Variants in PXDN observed in about 807,000 individuals in gnomAD.
PXDN encodes peroxidasin, also known as peroxidasin homolog.
A neutral mutation model predicts 140.3 loss-of-function variants in PXDN; 77 were observed. That is an observed-to-expected ratio of 0.55 (90% CI 0.46 to 0.66). The LOEUF is 0.66. Among genes scored for constraint, PXDN ranks in the 30% least tolerant of loss-of-function variants. The pLI, the probability that PXDN is intolerant of heterozygous loss-of-function variation, is 0.00. For missense variants in PXDN, 1,838 were observed against 2,039.5 expected (o/e 0.90, Z 1.90); for synonymous variants, 911 against 857.4 (o/e 1.06, Z -1.09).
chr2:1,704,368 GGGGGGGC>G (rs1684531662), intron 1 of PXDN, among the ~76,000 whole-genome samples: 1 of 58,962 alleles, frequency 1.7e-5, no homozygotes. Flanking sequence ...TCCAGGTGAA[GGGGGGGC>G]AACTCCAGGT....
At chr2:1,681,004 G>T (rs138054353) in intron 6 of PXDN, among the ~76,000 whole-genome samples, 2 of 152,218 alleles carry the variant, frequency 1.3e-5, no homozygotes, top group African/African-American at 4.8e-5. Flanking sequence ...TGTTGTCTCC[G>T]CACACGGGGA....
chr2:1,709,075 G>A (rs1029912855), intron 1 of PXDN, among the ~76,000 whole-genome samples: 4 of 152,194 alleles, frequency 2.6e-5, no homozygotes, highest in Non-Finnish European at 5.9e-5. Context: ...GCCAGGCTCC[G>A]TCTGGTCCCT....
intron 1 of PXDN, among the ~76,000 whole-genome samples, chr2:1,729,470 G>A (rs1480824734): frequency 6.6e-6 from 1 of 152,042 alleles, no homozygotes; most frequent in Non-Finnish European, 1.5e-5. Flanking sequence ...TATGAACAGG[G>A]GCCAGGAAGA....
chr2:1,661,519 A>G (rs1683303124), intron 13 of PXDN, among the ~76,000 whole-genome samples: 1 of 152,156 alleles, frequency 6.6e-6, no homozygotes, highest in South Asian at 2.1e-4. Context: ...GGACACAGAG[A>G]TTCACAGGGC....
At chr2:1,664,102 C>T (rs964150199) in intron 11 of PXDN, 6 of 240,848 alleles carry the variant, frequency 2.5e-5, no homozygotes, top group Non-Finnish European at 4.9e-5. Flanking sequence ...CTGGAGATGA[C>T]GAAGAGCCAA....
chr2:1,720,679 A>ATCTCTTTCTCTCTGCT (rs1174737839), intron 1 of PXDN, among the ~76,000 whole-genome samples: 2 of 80,704 alleles, frequency 2.5e-5, no homozygotes, highest in African/African-American at 1.0e-4. Context: ...TTCTCTCTGC[A>ATCTCTTTCTCTCTGCT]TCTCTTTCTC....
chr2:1,733,458 G>A (rs1055129241), intron 1 of PXDN, among the ~76,000 whole-genome samples: 2 of 152,066 alleles, frequency 1.3e-5, no homozygotes, highest in Admixed American at 6.5e-5. Flanking sequence ...AAGCGGTGTC[G>A]GCTGGGCGCA....
At chr2:1,693,716 C>T (rs2241452) in intron 1 of PXDN, among the ~76,000 whole-genome samples, 141,847 of 152,378 alleles carry the variant, frequency 0.93, 66,225 homozygotes, top group Middle Eastern at 0.98. Context: ...TAAAGTTAAA[C>T]GTCCACTGTT....
Position 1,676,924 on chromosome 2 carries a change from C to G in PXDN, c.848+3G>C. On this transcript the variant is annotated splice_donor_region_variant and intron_variant, in intron 8 of 22. Transcript: ENST00000252804. ...GGGGCATTTCTGTTTGGCCCCAACT[C>G]ACTTGTTTCGCAGCCAGATGATCTC... 6.2e-7 allele frequency: 1 copy of G among 1,609,234 alleles called. No homozygotes were observed. Among genetic ancestry groups the G allele is most frequent in the Non-Finnish European group, 8.5e-7 (1 of 1,177,950 alleles).
intron 19 of PXDN, among the ~76,000 whole-genome samples, chr2:1,642,474 A>T (rs546729624): frequency 6.6e-6 from 1 of 152,338 alleles, no homozygotes; most frequent in East Asian, 1.9e-4. Flanking sequence ...CAAGCTCCAC[A>T]GATTGCCGGG....
chr2:1,682,052 C>G (rs1031399541), intron 6 of PXDN, among the ~76,000 whole-genome samples: 1 of 152,338 alleles, frequency 6.6e-6, no homozygotes, highest in Middle Eastern at 3.4e-3. Context: ...CTCTGTAAAT[C>G]TATCACAGAA....
chr2:1,722,460 G>A (rs919882645), intron 1 of PXDN, among the ~76,000 whole-genome samples: 3 of 152,186 alleles, frequency 2.0e-5, no homozygotes, highest in Non-Finnish European at 4.4e-5. Flanking sequence ...ATTCTAGCTG[G>A]CTGTGATCCT....
At chr2:1,692,954 C>A in intron 2 of PXDN, 109 bp downstream of exon 2, 1 of 1,098,122 alleles carries the variant, frequency 9.1e-7, no homozygotes. Flanking sequence ...TCCTGCTCCA[C>A]TTTTCCCCAC....
intron 1 of PXDN, among the ~76,000 whole-genome samples, chr2:1,737,219 A>C (rs1685441713): frequency 6.6e-6 from 1 of 152,160 alleles, no homozygotes; most frequent in Non-Finnish European, 1.5e-5. Context: ...GACGGCTGCC[A>C]TTCTTCACCT....
At chr2:1,663,555 G>A in intron 12 of PXDN, 50 bp downstream of exon 12, 1 of 1,598,204 alleles carries the variant, frequency 6.3e-7, no homozygotes. Context: ...TGTGTTTCCT[G>A]ATAACCGATC....
intron 1 of PXDN, among the ~76,000 whole-genome samples, chr2:1,725,963 CTTT>C (rs966465621): frequency 6.7e-6 from 1 of 149,654 alleles, no homozygotes; most frequent in Non-Finnish European, 1.5e-5. Context: ...AATAGGAACA[CTTT>C]TACACCGTTG....
rs923498528 is a variant in PXDN, at chr2:1,713,661, C to A, written c.201-20527G>T. Among the ~76,000 whole-genome samples, 4 of 152,200 alleles carry A rather than the reference C, an allele frequency of 2.6e-5. No individual in the cohort carries two copies. In the East Asian group the frequency reaches 7.7e-4, roughly 29 times the overall value. ...CCCCGGGTGGGCGGGAGCCTCGGTCCCCCCGAATGCTCGTGTGCTCCTGGT... is the reference window on the plus strand; with the variant it reads ...CCCCGGGTGGGCGGGAGCCTCGGTCACCCCGAATGCTCGTGTGCTCCTGGT... On this transcript the variant is annotated intron_variant, in intron 1 of 22. Transcript: ENST00000252804.
chr2:1,711,048 A>C (rs1572182766), intron 1 of PXDN, among the ~76,000 whole-genome samples: 1 of 36,074 alleles, frequency 2.8e-5, no homozygotes, highest in African/African-American at 1.0e-4. Flanking sequence ...CATCCACTCT[A>C]CCAGCACCCG....
At position 1,649,711 on chromosome 2, in the gene PXDN, C is replaced by G; in HGVS notation, c.2105-36G>C. On this transcript the variant is annotated intron_variant, in intron 16 of 22. Coordinates refer to ENST00000252804, the MANE Select transcript of PXDN (RefSeq NM_012293.3). This position sits in a 1 kb window ranked among gnomAD's most constrained non-coding sequence, Gnocchi z 7.1. ...GAGAAAAGCAAGACGCACTCAATTC[C>G]CCTGGAGGATGTGTGAGGGCCCGGT... The G allele has an allele frequency of 6.2e-7, 1 of 1,608,944 alleles. No homozygotes were observed. The highest frequency in any genetic ancestry group is 8.5e-7 in the Non-Finnish European group (1 of 1,176,008).
Sources: allele counts gnomAD v4.1 joint callset (sites outside exome capture counted in the v4.1 genomes callset), GRCh38; gene constraint gnomAD v4.1.1; non-coding constraint Gnocchi (gnomAD v3.1); transcripts MANE v1.5; gene names NCBI Gene and HGNC (gene_info 2026-07-23, HGNC 2026-07-21).